Variants in TRAPPC9 observed in about 807,000 individuals in gnomAD.
TRAPPC9 encodes IKK2 binding protein.
TRAPPC9 carries 83 observed loss-of-function variants against 124.0 expected under a neutral mutation model. That is an observed-to-expected ratio of 0.67 (90% confidence interval 0.56 to 0.80). TRAPPC9 has a LOEUF of 0.80. TRAPPC9 is among the 30% of genes least tolerant of loss of function. The pLI is 0.00. For synonymous variants in TRAPPC9, 638 were observed against 617.5 expected (o/e 1.03, Z -0.49); for missense variants, 1,302 against 1,508.3 (o/e 0.86, Z 2.27).
Position 139,814,190 on chromosome 8 carries a change from G to A in TRAPPC9, c.3055+71689C>T, listed in dbSNP as rs145070812. Reference sequence around the variant, plus strand: ...GTGCTCCGCGAGGCAGGCGGTGGGCGGCCAGGGGCAGGCTGTGATGTCAAA... The same window carrying A: ...GTGCTCCGCGAGGCAGGCGGTGGGCAGCCAGGGGCAGGCTGTGATGTCAAA... On this transcript the variant is annotated intron_variant, in intron 21 of 22. Coordinates refer to ENST00000438773, the MANE Select transcript of TRAPPC9 (RefSeq NM_001160372.4). Among the ~76,000 whole-genome samples the A allele has an allele frequency of 1.7e-4, 26 of 152,348 alleles. No homozygotes were observed. In the East Asian group the frequency reaches 4.8e-3, roughly 28 times the overall value.
At chr8:139,866,265 C>T (rs1039082602) in intron 21 of TRAPPC9, among the ~76,000 whole-genome samples, 1 of 152,198 alleles carries the variant, frequency 6.6e-6, no homozygotes, top group African/African-American at 2.4e-5. Context: ...TATTCCACCC[C>T]CACGTCCCAT....
intron 21 of TRAPPC9, among the ~76,000 whole-genome samples, chr8:139,867,817 G>A (rs745824331): frequency 2.0e-5 from 3 of 152,218 alleles, no homozygotes; most frequent in Non-Finnish European, 2.9e-5. Context: ...GGCTGAAGGA[G>A]ACTAAATGTA....
chr8:140,458,394 C>T (rs769687854), upstream of TRAPPC9: 1 of 1,597,180 alleles, frequency 6.3e-7, no homozygotes, highest in Non-Finnish European at 8.5e-7. Flanking sequence ...CCTCACGGTA[C>T]CCCCCGTGAC....
At chr8:140,002,844 C>CAAAAAAAAAAAAA (rs56895763) in intron 18 of TRAPPC9, among the ~76,000 whole-genome samples, 1 of 68,798 alleles carries the variant, frequency 1.5e-5, no homozygotes, top group Non-Finnish European at 2.8e-5. Flanking sequence ...TTCCACTTAT[C>CAAAAAAAAAAAAA]AAAAAAAAAA....
chr8:140,130,440 C>G (rs2061186700), intron 17 of TRAPPC9, among the ~76,000 whole-genome samples: 1 of 152,146 alleles, frequency 6.6e-6, no homozygotes, highest in Non-Finnish European at 1.5e-5. Flanking sequence ...GTCCAAATTA[C>G]AGAACCTGAC....
chr8:139,893,497 T>C (rs1383623670), intron 20 of TRAPPC9, among the ~76,000 whole-genome samples: 1 of 152,268 alleles, frequency 6.6e-6, no homozygotes, highest in Non-Finnish European at 1.5e-5. Context: ...TGCATGTCTC[T>C]TTCCCTTGAG....
At chr8:140,272,139 T>C (rs1563903668) in intron 15 of TRAPPC9, among the ~76,000 whole-genome samples, 5 of 149,600 alleles carry the variant, frequency 3.3e-5, no homozygotes. Flanking sequence ...GCGATGGTGA[T>C]GGTGATGGTG....
chr8:140,063,863 C>T lies in TRAPPC9; in HGVS notation c.2557-39784G>A, dbSNP rs1842766890. 2.0e-5 allele frequency among the ~76,000 whole-genome samples: 3 copies of T among 152,108 alleles called. No homozygotes were observed. In the South Asian group the frequency reaches 6.2e-4, roughly 32 times the overall value. On this transcript the variant is annotated intron_variant, in intron 17 of 22. Transcript: ENST00000438773. The surrounding 1 kb of genome is among the most constrained non-coding windows in gnomAD (Gnocchi z 4.3). ...TTCACAATTTGCCCGCTTCCTATCA[C>T]ACCCCTAAATGCAAGGCACACGGGT...
At chr8:140,297,376 A>ACGC (rs1165264175) in intron 11 of TRAPPC9, among the ~76,000 whole-genome samples, 1 of 151,868 alleles carries the variant, frequency 6.6e-6, no homozygotes, top group Non-Finnish European at 1.5e-5. Context: ...GCATACACAC[A>ACGC]ATATACACAT....
At chr8:139,958,728 C>A (rs1048856247) in intron 19 of TRAPPC9, among the ~76,000 whole-genome samples, 1 of 152,222 alleles carries the variant, frequency 6.6e-6, no homozygotes, top group Non-Finnish European at 1.5e-5. Context: ...TTTACAGACA[C>A]GCCCCGAGGC....
chr8:139,730,943 G>C lies in TRAPPC9; in HGVS notation c.*118C>G, dbSNP rs1817777041. 1 of 1,166,028 alleles carries C rather than the reference G, an allele frequency of 8.6e-7. No homozygotes were observed. Among genetic ancestry groups the C allele is most frequent in the Non-Finnish European group, 1.2e-6 (1 of 825,306 alleles). 72.2% of individuals were successfully genotyped at this position (1,166,028 alleles called of 1,614,324 possible). ...GAACAGGAGGAGAGGGCTGGGAGGG[G>C]TCTGGGGGAGGAGGAGGAGATGGGG... On this transcript the variant is annotated 3_prime_UTR_variant, in exon 23 of 23. Coordinates refer to ENST00000438773, the MANE Select transcript of TRAPPC9 (RefSeq NM_001160372.4).
At chr8:140,187,523 T>G (rs1282532025) in intron 17 of TRAPPC9, among the ~76,000 whole-genome samples, 1 of 152,142 alleles carries the variant, frequency 6.6e-6, no homozygotes, top group East Asian at 1.9e-4. Context: ...ATTGAAAAAA[T>G]TCCAGTTCTT....
chr8:140,141,346 C>G (rs1006619443), intron 17 of TRAPPC9, among the ~76,000 whole-genome samples: 2 of 152,244 alleles, frequency 1.3e-5, no homozygotes, highest in Non-Finnish European at 2.9e-5. Context: ...CCGCCCTTAT[C>G]TGGCGCATCC....
intron 4 of TRAPPC9, among the ~76,000 whole-genome samples, chr8:140,434,436 G>C (rs1220230675): frequency 6.6e-6 from 1 of 152,144 alleles, no homozygotes; most frequent in Non-Finnish European, 1.5e-5. Context: ...TTGAGAGAAT[G>C]TCATCAGCCA....
chr8:140,033,578 T>C (rs929257870), intron 17 of TRAPPC9, among the ~76,000 whole-genome samples: 2 of 143,970 alleles, frequency 1.4e-5, no homozygotes, highest in Non-Finnish European at 3.0e-5. Flanking sequence ...TCCAGGGAAA[T>C]CTCCAAAAAG....
At chr8:140,237,714 A>C (rs541029025) in intron 16 of TRAPPC9, among the ~76,000 whole-genome samples, 83 of 152,238 alleles carry the variant, frequency 5.5e-4, no homozygotes, top group African/African-American at 1.8e-3. Flanking sequence ...GGCCCCAGGA[A>C]AGGTTGTCCT....
intron 21 of TRAPPC9, among the ~76,000 whole-genome samples, chr8:139,797,498 G>A (rs1823185207): frequency 6.6e-6 from 1 of 152,116 alleles, no homozygotes. Context: ...GACCTCAGGT[G>A]ATTGGCCTAC....
chr8:140,042,599 A>C (rs1271202405), intron 17 of TRAPPC9, among the ~76,000 whole-genome samples: 1 of 152,174 alleles, frequency 6.6e-6, no homozygotes, highest in African/African-American at 2.4e-5. Flanking sequence ...TAGGGAGCCT[A>C]GCTGACCTCC....
intron 17 of TRAPPC9, among the ~76,000 whole-genome samples, chr8:140,195,653 C>T (rs1474246719): frequency 6.6e-6 from 1 of 151,474 alleles, no homozygotes; most frequent in East Asian, 1.9e-4. Flanking sequence ...AAAACACACT[C>T]AATGATCCAC....
Sources: allele counts gnomAD v4.1 joint callset (sites outside exome capture counted in the v4.1 genomes callset), GRCh38; gene constraint gnomAD v4.1.1; non-coding constraint Gnocchi (gnomAD v3.1); transcripts MANE v1.5; gene names NCBI Gene and HGNC (gene_info 2026-07-23, HGNC 2026-07-21).